The following BAP1 variants were observed in gnomAD, a reference collection of about 807,000 sequenced individuals.
The protein encoded by BAP1 is BRCA1 associated deubiquitinase 1, also known as ubiquitin carboxyl-terminal hydrolase BAP1.
Under a neutral mutation model 77.2 loss-of-function variants are expected in BAP1, and 16 were observed. The ratio of observed to expected loss-of-function variants is 0.21; its 90% confidence interval spans 0.14 to 0.31. The LOEUF is 0.31. Among genes scored for constraint, BAP1 ranks in the 10% least tolerant of loss-of-function variants. The pLI, the probability that BAP1 is intolerant of heterozygous loss-of-function variation, is 1.00. For synonymous variants in BAP1, 362 were observed against 385.2 expected (o/e 0.94, Z 0.71); for missense variants, 699 against 967.3 (o/e 0.72, Z 3.68).
chr3:52,402,741 G>C lies in BAP1; in HGVS notation c.1983+38C>G, dbSNP rs774743129. On this transcript the variant is annotated intron_variant, in intron 15 of 16. Transcript: ENST00000460680. This position sits in a 1 kb window ranked among gnomAD's most constrained non-coding sequence, Gnocchi z 5.3. ...GCCAGAGCAGCCACCAGTGGACCTC[G>C]GGAGAGGCCAGATCAGGCAACTGGA... 6.2e-7 allele frequency: 1 copy of C among 1,614,122 alleles called. No individual in the cohort carries two copies. The highest frequency in any genetic ancestry group is 8.5e-7 in the Non-Finnish European group (1 of 1,179,964).
In BAP1 at chr3:52,405,268, A is replaced by G. The variant is rs1158601931; in HGVS notation, c.958T>C (p.Cys320Arg). 2 of 1,613,854 alleles carry G rather than the reference A, an allele frequency of 1.2e-6. No homozygotes were observed. The highest frequency in any genetic ancestry group is 1.7e-6 in the Non-Finnish European group (2 of 1,180,002). Residue 320 changes from cysteine (C) to arginine (R), a missense_variant, in exon 11 of 17, where the codon TGC (cysteine) becomes CGC (arginine). Physicochemically the swap from Cys to Arg is radical, Grantham distance 180. This residue lies in a region of BAP1 where 475 missense variants were observed against 532.4 expected (regional missense o/e 0.89). Coordinates refer to ENST00000460680, the MANE Select transcript of BAP1 (RefSeq NM_004656.4). ...TDGAEEAAGS[C>R]AQAPSHSPPN... ...GGGCTGTGGGATGGGGCTTGTGCGC[A>G]TGAACCAGCCGCCTCCTCTGCACCA...
In BAP1 at chr3:52,406,518, GC is replaced by G; in HGVS notation, c.660-143del. ...CACCCCAACAGGCAGGCAGCGACTA[GC>G]CATACATGCCAGGCACCTGAGCTGG... On this transcript the variant is annotated intron_variant, in intron 8 of 16. Coordinates refer to ENST00000460680, the MANE Select transcript of BAP1 (RefSeq NM_004656.4). This position sits in a 1 kb window ranked among gnomAD's most constrained non-coding sequence, Gnocchi z 4.6. The G allele has an allele frequency of 7.7e-7, 1 of 1,290,754 alleles. No individual in the cohort carries two copies. Among genetic ancestry groups the G allele is most frequent in the Non-Finnish European group, 1.1e-6 (1 of 925,584 alleles). The allele number at this position is 1,290,754 out of a possible 1,614,324, so 80.0% of individuals were successfully genotyped here. A position where few individuals can be genotyped will look rare whatever the true frequency, so the allele number is the denominator to read the frequency against.
chr3:52,406,900 C>G lies in BAP1; in HGVS notation c.588G>C (p.Trp196Cys), dbSNP rs1193212091. ...TGTCTGTCCACTCCTCGTCCTCCCC[C>G]CAGGGCCCTAGTGGAGACCAAGACA... ...LKVYPIDHGP[W>C]GEDEEWTDKA... The change falls in exon 8 of 17, where the codon TGG becomes TGC. Residue 196 changes from tryptophan (W) to cysteine (C), a missense_variant. Physicochemically the swap from Trp to Cys is radical, Grantham distance 215 (BLOSUM62 -2). Around this residue, in one of 3 missense-constraint regions of BAP1, gnomAD observed 160 missense variants for 322.8 expected, o/e 0.50. Coordinates refer to ENST00000460680, the MANE Select transcript of BAP1 (RefSeq NM_004656.4). This position sits in a 1 kb window ranked among gnomAD's most constrained non-coding sequence, Gnocchi z 4.6. 4 of 1,571,620 alleles carry G rather than the reference C, an allele frequency of 2.5e-6. No homozygotes were observed. Among genetic ancestry groups the G allele is most frequent in the Non-Finnish European group, 3.5e-6 (4 of 1,157,470 alleles).
At position 52,405,746 on chromosome 3, in the gene BAP1, G is replaced by A. The variant is rs2153227197; in HGVS notation, c.931+19C>T. On this transcript the variant is annotated intron_variant, in intron 10 of 16. Coordinates refer to ENST00000460680, the MANE Select transcript of BAP1 (RefSeq NM_004656.4). Reference sequence around the variant, plus strand: ...CGGGTGGCTCTGAGGTCCACAAGAGGTCCCAAACCCCCCAGTACCTGTGTG... The same window carrying A: ...CGGGTGGCTCTGAGGTCCACAAGAGATCCCAAACCCCCCAGTACCTGTGTG... 1 of 1,612,434 alleles carries A rather than the reference G, an allele frequency of 6.2e-7. No homozygotes were observed. Among genetic ancestry groups the A allele is most frequent in the Non-Finnish European group, 8.5e-7 (1 of 1,179,958 alleles).
In BAP1 at chr3:52,409,946, G is replaced by A. The variant is rs1363254650; in HGVS notation, c.-68C>T. The A allele has an allele frequency of 1.5e-5, 23 of 1,556,862 alleles. No individual in the cohort carries two copies. The highest frequency in any genetic ancestry group is 1.7e-5 in the Non-Finnish European group (20 of 1,157,858). On this transcript the variant is annotated 5_prime_UTR_variant, in exon 1 of 17. Transcript: ENST00000460680. The stretch of plus-strand genomic sequence containing the variant: ...CTCCCCACCGCTGCCCCCACCGGGA[G>A]CCCCCACCGCCCCCGGGGCCCCTCA...
At chr3:52,405,680 A>C in intron 10 of BAP1, 85 bp downstream of exon 10, 3 of 1,570,026 alleles carry the variant, frequency 1.9e-6, no homozygotes, top group Non-Finnish European at 2.6e-6. Context: ...CATCCCCAGA[A>C]AAAGACTTTC....
rs1022243924 is a variant in BAP1, at chr3:52,406,201, G to A, written c.783+52C>T. ...ACAAATGCTGTGGGGGAAGGGAGGAGGAATGCAGGGAGGGTTGGGCTGGGC... is the reference window on the plus strand; with the variant it reads ...ACAAATGCTGTGGGGGAAGGGAGGAAGAATGCAGGGAGGGTTGGGCTGGGC... On this transcript the variant is annotated intron_variant, in intron 9 of 16. Coordinates refer to ENST00000460680, the MANE Select transcript of BAP1 (RefSeq NM_004656.4). The surrounding 1 kb of genome is among the most constrained non-coding windows in gnomAD (Gnocchi z 4.6). 6 of 1,613,126 alleles carry A rather than the reference G, an allele frequency of 3.7e-6. No individual in the cohort carries two copies. In the African/African-American group the frequency reaches 5.3e-5, roughly 14 times the overall value.
rs2153227388 is a variant in BAP1 at position 52,406,198 on chromosome 3, G to C, written c.783+55C>G. ...GAGACAAATGCTGTGGGGGAAGGGA[G>C]GAGGAATGCAGGGAGGGTTGGGCTG... On this transcript the variant is annotated intron_variant, in intron 9 of 16. Coordinates refer to ENST00000460680, the MANE Select transcript of BAP1 (RefSeq NM_004656.4). This position sits in a 1 kb window ranked among gnomAD's most constrained non-coding sequence, Gnocchi z 4.6. The C allele has an allele frequency of 6.2e-7, 1 of 1,613,192 alleles. No homozygotes were observed. The highest frequency in any genetic ancestry group is 8.5e-7 in the Non-Finnish European group (1 of 1,179,792).
intron 1 of BAP1, 24 bp from the exon 2 acceptor site, chr3:52,409,767 G>T (rs766624546): frequency 2.5e-6 from 4 of 1,613,662 alleles, no homozygotes; most frequent in African/African-American, 2.7e-5. Context: ...CAAGAGGAGG[G>T]GGTGATGGTC....
chr3:52,403,666 T>C lies in BAP1; in HGVS notation c.1479A>G (p.Thr493=), dbSNP rs1559586774. Reference sequence around the variant, plus strand: ...CACTGCCGATCTCAGAGGCCGTGTCTGTACTCTCATTGCTGGGGGTGGGTG... The same window carrying C: ...CACTGCCGATCTCAGAGGCCGTGTCCGTACTCTCATTGCTGGGGGTGGGTG... ...QPSPTPSNES[T]DTASEIGSAF... is the part of the protein sequence containing the mutation. Residue 493 remains threonine (T), a synonymous_variant, in exon 13 of 17, where the codon ACA becomes ACG. Transcript: ENST00000460680. The surrounding 1 kb of genome is among the most constrained non-coding windows in gnomAD (Gnocchi z 4.0). 1.2e-6 allele frequency: 2 copies of C among 1,613,900 alleles called. No individual in the cohort carries two copies. Among genetic ancestry groups the C allele is most frequent in the Non-Finnish European group, 1.7e-6 (2 of 1,179,824 alleles).
intron 5 of BAP1, 91 bp from the exon 6 acceptor site, chr3:52,407,551 G>A: frequency 5.2e-6 from 8 of 1,546,164 alleles, no homozygotes; most frequent in Non-Finnish European, 7.1e-6. Context: ...CAGCCTGGAG[G>A]CATTCCAGGA....
At chr3:52,405,432 T>C (rs1212896863) in intron 10 of BAP1, 138 bp from the exon 11 acceptor site, 3 of 754,110 alleles carry the variant, frequency 4.0e-6, no homozygotes, top group Non-Finnish European at 6.0e-6. Context: ...CAGCAAGCTC[T>C]AAGTCATGAT....
rs536205982 is a variant in BAP1 at position 52,407,295 on chromosome 3, A to G, written c.459T>C (p.Pro153=). 5 of 1,614,164 alleles carry G rather than the reference A, an allele frequency of 3.1e-6. No individual in the cohort carries two copies. In the South Asian group the frequency reaches 5.5e-5, roughly 18 times the overall value. ...CTGCACTAAGGCCATTCTGCTTCTCAGGGAGGTGGCGTGGCTCGGGCCTGG... is the reference window on the plus strand; with the variant it reads ...CTGCACTAAGGCCATTCTGCTTCTCGGGGAGGTGGCGTGGCTCGGGCCTGG... ...SHARPEPRHL[P]EKQNGLSAVR... is the part of the protein sequence containing the mutation. The change falls in exon 7 of 17, where the codon CCT becomes CCC. Residue 153 remains proline (P), a synonymous_variant. Coordinates refer to ENST00000460680, the MANE Select transcript of BAP1 (RefSeq NM_004656.4).
Position 52,406,940 on chromosome 3 carries a change from A to G in BAP1, c.581-33T>C. On this transcript the variant is annotated intron_variant, in intron 7 of 16. Coordinates refer to ENST00000460680, the MANE Select transcript of BAP1 (RefSeq NM_004656.4). The surrounding 1 kb of genome is among the most constrained non-coding windows in gnomAD (Gnocchi z 4.6). ...AGACCAAGACAAGGAATCAGCGAGA[A>G]GGAAACCCTGAGTTTGGGCAGGCCA... The G allele has an allele frequency of 1.3e-6, 2 of 1,557,924 alleles. No homozygotes were observed. Among genetic ancestry groups the G allele is most frequent in the Non-Finnish European group, 1.7e-6 (2 of 1,149,450 alleles).
chr3:52,408,367 C>A (rs568695510), intron 4 of BAP1, 107 bp downstream of exon 4: 2 of 1,502,258 alleles, frequency 1.3e-6, no homozygotes, highest in Non-Finnish European at 1.8e-6. Context: ...GTAGCTACCA[C>A]CCCTAGAATC....
At chr3:52,405,056 G>A (rs2153226943) in intron 11 of BAP1, 54 bp downstream of exon 11, 1 of 1,607,742 alleles carries the variant, frequency 6.2e-7, no homozygotes, top group Non-Finnish European at 8.5e-7. Context: ...ATTGCCTGTT[G>A]CAGCCTCTCA....
At position 52,403,819 on chromosome 3, in the gene BAP1, G is replaced by A. The variant is rs1705059141; in HGVS notation, c.1326C>T (p.Pro442=). The A allele has an allele frequency of 6.2e-7, 1 of 1,613,960 alleles. No individual in the cohort carries two copies. Among genetic ancestry groups the A allele is most frequent in the African/African-American group, 1.3e-5 (1 of 74,882 alleles). ...TCTCAGCCAAGACGTTGATGGTGTTGGGCTGCAGCACTGACAGTTGCCCAT... is the reference window on the plus strand; with the variant it reads ...TCTCAGCCAAGACGTTGATGGTGTTAGGCTGCAGCACTGACAGTTGCCCAT... ...SADGQLSVLQ[P]NTINVLAEKL... The change falls in exon 13 of 17, where the codon CCC becomes CCT. Residue 442 remains proline, a synonymous_variant. Coordinates refer to ENST00000460680, the MANE Select transcript of BAP1 (RefSeq NM_004656.4). This position sits in a 1 kb window ranked among gnomAD's most constrained non-coding sequence, Gnocchi z 4.0.
chr3:52,406,216 T>C lies in BAP1; in HGVS notation c.783+37A>G, dbSNP rs1559589588. 1 of 1,612,618 alleles carries C rather than the reference T, an allele frequency of 6.2e-7. No homozygotes were observed. The highest frequency in any genetic ancestry group is 1.7e-5 in the Admixed American group (1 of 59,898). ...GAAGGGAGGAGGAATGCAGGGAGGGTTGGGCTGGGCAGAGGCCAGGAAGAA... is the reference window on the plus strand; with the variant it reads ...GAAGGGAGGAGGAATGCAGGGAGGGCTGGGCTGGGCAGAGGCCAGGAAGAA... On this transcript the variant is annotated intron_variant, in intron 9 of 16. Transcript: ENST00000460680. This position sits in a 1 kb window ranked among gnomAD's most constrained non-coding sequence, Gnocchi z 4.6.
Position 52,405,773 on chromosome 3 carries a change from T to C in BAP1, c.923A>G (p.Asn308Ser), listed in dbSNP as rs1184529447. The C allele has an allele frequency of 6.2e-7, 1 of 1,613,214 alleles. No homozygotes were observed. Among genetic ancestry groups the C allele is most frequent in the Admixed American group, 1.7e-5 (1 of 60,030 alleles). ...CCCAAACCCCCCAGTACCTGTGTGGTTGCCCTCAGAGGCTGCAGGGGCCCT... is the reference window on the plus strand; with the variant it reads ...CCCAAACCCCCCAGTACCTGTGTGGCTGCCCTCAGAGGCTGCAGGGGCCCT... ...ANRAPAASEG[N>S]HTDGAEEAAG... The change falls in exon 10 of 17, where the codon AAC (asparagine) becomes AGC (serine). Residue 308 changes from asparagine to serine, a missense_variant. Around this residue, in one of 3 missense-constraint regions of BAP1, gnomAD observed 475 missense variants for 532.4 expected, o/e 0.89. Transcript: ENST00000460680.
Sources: gnomAD v4.1 joint callset for allele counts on GRCh38, gnomAD v4.1.1 for gene constraint, gnomAD v4.1.1 regional missense constraint, Gnocchi (gnomAD v3.1) non-coding constraint, MANE v1.5 for transcripts, NCBI Gene and HGNC (gene_info 2026-07-23, HGNC 2026-07-21) for gene names.